Variants in ATXN10 observed in about 807,000 individuals in gnomAD.
ATXN10 encodes the protein ataxin 10, also known as ataxin-10.
ATXN10 carries 28 observed loss-of-function variants against 52.9 expected under a neutral mutation model. The ratio of observed to expected loss-of-function variants is 0.53; its 90% CI spans 0.39 to 0.73. ATXN10 has a LOEUF of 0.73. ATXN10 is among the 30% of genes least tolerant of loss of function. ATXN10 has a pLI of 0.00. For missense variants in ATXN10, 565 were observed against 577.0 expected (o/e 0.98, Z 0.21); for synonymous variants, 226 against 221.5 (o/e 1.02, Z -0.18).
At chr22:45,722,832 C>G (rs1924710312) in intron 6 of ATXN10, among the ~76,000 whole-genome samples, 1 of 152,128 alleles carries the variant, frequency 6.6e-6, no homozygotes, top group African/African-American at 2.4e-5. Context: ...AGGATCTGCA[C>G]TATTGTTCGT....
chr22:45,698,672 C>G (rs1378491273), intron 3 of ATXN10, among the ~76,000 whole-genome samples: 1 of 152,036 alleles, frequency 6.6e-6, no homozygotes, highest in Non-Finnish European at 1.5e-5. Flanking sequence ...TGTTTCGCCA[C>G]AGATGTTATT....
At chr22:45,747,939 G>A (rs141046809) in intron 9 of ATXN10, among the ~76,000 whole-genome samples, 8 of 151,282 alleles carry the variant, frequency 5.3e-5, no homozygotes, top group East Asian at 2.0e-4. Flanking sequence ...ATAAATAGCC[G>A]GTATTTCCAG....
chr22:45,809,148 T>A (rs1733578082), intron 10 of ATXN10, among the ~76,000 whole-genome samples: 1 of 152,192 alleles, frequency 6.6e-6, no homozygotes, highest in Admixed American at 6.5e-5. Context: ...GAGCTATAAA[T>A]TAAAATCTGG....
At chr22:45,713,845 A>G (rs1924344785) in intron 5 of ATXN10, among the ~76,000 whole-genome samples, 2 of 152,130 alleles carry the variant, frequency 1.3e-5, no homozygotes, top group African/African-American at 4.8e-5. Flanking sequence ...TCAGTTAAAG[A>G]TCTTTCATTG....
chr22:45,728,279 G>T lies in ATXN10; in HGVS notation c.729-1146G>T, dbSNP rs1924956260. On this transcript the variant is annotated intron_variant, in intron 6 of 11. Transcript: ENST00000252934. This position sits in a 1 kb window ranked among gnomAD's most constrained non-coding sequence, Gnocchi z 4.3. ...CTTTTAGCCTCAATTTATTTTTAAAGATTATATATAAATAAGGGAAAACAG... is the reference window on the plus strand; with the variant it reads ...CTTTTAGCCTCAATTTATTTTTAAATATTATATATAAATAAGGGAAAACAG... Among the ~76,000 whole-genome samples, 1 of 152,084 alleles carries T rather than the reference G, an allele frequency of 6.6e-6. No individual in the cohort carries two copies. The highest frequency in any genetic ancestry group is 1.5e-5 in the Non-Finnish European group (1 of 68,026).
intron 9 of ATXN10, among the ~76,000 whole-genome samples, chr22:45,776,518 T>TA (rs11435195): frequency 0.063 from 9,513 of 151,572 alleles, 300 homozygotes; most frequent in Non-Finnish European, 0.07. Context: ...TTTTTTTTTT[T>TA]AATGTCAAAG....
Position 45,833,254 on chromosome 22 carries a change from G to A in ATXN10, c.1238-9737G>A, listed in dbSNP as rs1482207870. Among the ~76,000 whole-genome samples, 1 of 152,144 alleles carries A rather than the reference G, an allele frequency of 6.6e-6. No individual in the cohort carries two copies. Among genetic ancestry groups the A allele is most frequent in the Non-Finnish European group, 1.5e-5 (1 of 68,020 alleles). ...CAAGCCCTCCCCACCCTTGACCACC[G>A]ACTTCCTGGGAGCTGCTGAAGGCGT... On this transcript the variant is annotated intron_variant, in intron 10 of 11. Transcript: ENST00000252934. This position sits in a 1 kb window ranked among gnomAD's most constrained non-coding sequence, Gnocchi z 4.3.
At chr22:45,768,423 C>G (rs1926663652) in intron 9 of ATXN10, among the ~76,000 whole-genome samples, 1 of 151,426 alleles carries the variant, frequency 6.6e-6, no homozygotes, top group East Asian at 1.9e-4. Context: ...ACATAGAAAA[C>G]ACAACTGGTT....
rs1227161073 is a variant in ATXN10, at chr22:45,728,713, A to G, written c.729-712A>G. Among the ~76,000 whole-genome samples, 1 of 152,210 alleles carries G rather than the reference A, an allele frequency of 6.6e-6. No individual in the cohort carries two copies. Among genetic ancestry groups the G allele is most frequent in the Admixed American group, 6.5e-5 (1 of 15,288 alleles). On this transcript the variant is annotated intron_variant, in intron 6 of 11. Transcript: ENST00000252934. The surrounding 1 kb of genome is among the most constrained non-coding windows in gnomAD (Gnocchi z 4.3). ...AGACAGATTGACCTATGTGTGATTC[A>G]TTTTTCCTAGGAGAAGGAAAGAGAT...
At chr22:45,755,362 A>T (rs1335249655) in intron 9 of ATXN10, among the ~76,000 whole-genome samples, 2 of 152,172 alleles carry the variant, frequency 1.3e-5, no homozygotes, top group African/African-American at 4.8e-5. Context: ...CTTCTTTTAC[A>T]TACTTGTATG....
intron 9 of ATXN10, among the ~76,000 whole-genome samples, chr22:45,801,298 A>C (rs949877208): frequency 2.0e-5 from 3 of 152,208 alleles, no homozygotes; most frequent in Non-Finnish European, 4.4e-5. Context: ...AGTGATTCTA[A>C]GTTGTAGCCT....
At position 45,826,937 on chromosome 22, in the gene ATXN10, T is replaced by C. The variant is rs1405450317; in HGVS notation, c.1238-16054T>C. ...TTTTCTACATATTTTAAGAGACTAA[T>C]GTGTCTGAAAGGATTACTAGTTTAT... On this transcript the variant is annotated intron_variant, in intron 10 of 11. Coordinates refer to ENST00000252934, the MANE Select transcript of ATXN10 (RefSeq NM_013236.4). The surrounding 1 kb of genome is among the most constrained non-coding windows in gnomAD (Gnocchi z 5.0). 1.3e-5 allele frequency among the ~76,000 whole-genome samples: 2 copies of C among 152,230 alleles called. No homozygotes were observed. Among genetic ancestry groups the C allele is most frequent in the Admixed American group, 6.5e-5 (1 of 15,284 alleles).
rs1057191138 is a variant in ATXN10 at position 45,732,222 on chromosome 22, C to T, written c.894+2632C>T. On this transcript the variant is annotated intron_variant, in intron 7 of 11. Transcript: ENST00000252934. This position sits in a 1 kb window ranked among gnomAD's most constrained non-coding sequence, Gnocchi z 4.5. ...ATCCCAATACTTTGGGACGCCAAGG[C>T]GTGGGAGGATTGCTTAAGCCCAGGA... Among the ~76,000 whole-genome samples, 3 of 151,888 alleles carry T rather than the reference C, an allele frequency of 2.0e-5. No individual in the cohort carries two copies. The highest frequency in any genetic ancestry group is 2.9e-5 in the Non-Finnish European group (2 of 67,992).
At chr22:45,779,454 C>T in intron 9 of ATXN10, among the ~76,000 whole-genome samples, 1 of 152,110 alleles carries the variant, frequency 6.6e-6, no homozygotes, top group East Asian at 1.9e-4. Context: ...TTATGTTGGG[C>T]TTTTGTTGTT....
intron 9 of ATXN10, among the ~76,000 whole-genome samples, chr22:45,743,399 G>C (rs1039463588): frequency 1.4e-4 from 21 of 152,198 alleles, no homozygotes; most frequent in Non-Finnish European, 1.8e-4. Flanking sequence ...CCTTGTTCCA[G>C]CTGGGTGTTA....
At chr22:45,711,287 A>T (rs546571219) in intron 5 of ATXN10, among the ~76,000 whole-genome samples, 28 of 152,304 alleles carry the variant, frequency 1.8e-4, no homozygotes, top group Middle Eastern at 3.4e-3. Context: ...AGGTTAAATA[A>T]TGTATCATTC....
Position 45,740,353 on chromosome 22 carries a change from A to G in ATXN10, c.1004-16A>G. 6.2e-7 allele frequency: 1 copy of G among 1,613,602 alleles called. No individual in the cohort carries two copies. The highest frequency in any genetic ancestry group is 8.5e-7 in the Non-Finnish European group (1 of 1,179,696). The stretch of plus-strand genomic sequence containing the variant: ...TACTTTTCTGTGGAAAATGAAGTTT[A>G]CTCTTTTGGTTATAGATCTTTTGCG... On this transcript the variant is annotated splice_polypyrimidine_tract_variant and intron_variant, in intron 8 of 11. Transcript: ENST00000252934.
At chr22:45,791,154 C>T (rs1220879792) in intron 9 of ATXN10, among the ~76,000 whole-genome samples, 1 of 152,198 alleles carries the variant, frequency 6.6e-6, no homozygotes, top group Non-Finnish European at 1.5e-5. Context: ...TACTGTTTTC[C>T]AGCTAAATCA....
chr22:45,744,985 T>G lies in ATXN10; in HGVS notation c.1173+4447T>G, dbSNP rs960586484. Among the ~76,000 whole-genome samples, 2 of 152,222 alleles carry G rather than the reference T, an allele frequency of 1.3e-5. No individual in the cohort carries two copies. Among genetic ancestry groups the G allele is most frequent in the Non-Finnish European group, 2.9e-5 (2 of 68,032 alleles). ...GTCATGGTAGGGAGGTGTCAAATCC[T>G]TACTGACTTCTATTCTTACCTTGTT... On this transcript the variant is annotated intron_variant, in intron 9 of 11. Transcript: ENST00000252934. The surrounding 1 kb of genome is among the most constrained non-coding windows in gnomAD (Gnocchi z 4.9).
Sources: allele counts gnomAD v4.1 joint callset (sites outside exome capture counted in the v4.1 genomes callset), GRCh38; gene constraint gnomAD v4.1.1; non-coding constraint Gnocchi (gnomAD v3.1); transcripts MANE v1.5; gene names NCBI Gene and HGNC (gene_info 2026-07-23, HGNC 2026-07-21).